HDX: variants seen among roughly 807,000 people sequenced by gnomAD.
HDX encodes the protein highly divergent homeobox.
HDX carries 19 observed loss-of-function variants against 45.2 expected under a neutral mutation model. The ratio of observed to expected loss-of-function variants is 0.42; its 90% CI spans 0.29 to 0.62. HDX has a LOEUF of 0.62. Ranked by LOEUF, HDX falls within the 20% of genes least tolerant of loss-of-function variation. HDX has a pLI of 0.20. For missense variants in HDX, 532 were observed against 493.9 expected, an observed-to-expected ratio of 1.08 and a Z score of -0.73; for synonymous variants, 188 against 172.8, an observed-to-expected ratio of 1.09 and a Z score of -0.69.
chrX:84,406,121 T>C (rs1190807542), intron 5 of HDX, among the ~76,000 whole-genome samples: 1 of 110,589 alleles, frequency 9.0e-6, no homozygotes, highest in Non-Finnish European at 1.9e-5. Flanking sequence ...CTTGCCTAAG[T>C]GACTAACTTC....
At chrX:84,341,432 A>AAGAG (rs976531084) in intron 7 of HDX, among the ~76,000 whole-genome samples, 9 of 110,424 alleles carry the variant, frequency 8.2e-5, no homozygotes, top group African/African-American at 2.6e-4. Flanking sequence ...AATGTTAAGA[A>AAGAG]AGAGAGAGAG....
intron 5 of HDX, among the ~76,000 whole-genome samples, chrX:84,373,656 A>G (rs771777871): frequency 9.0e-6 from 1 of 111,085 alleles, no homozygotes; most frequent in South Asian, 3.8e-4. Context: ...AAAGACAAAA[A>G]CCACATGATT....
chrX:84,459,756 G>T (rs1262897362), intron 4 of HDX, among the ~76,000 whole-genome samples: 2 of 111,272 alleles, frequency 1.8e-5, no homozygotes, highest in African/African-American at 3.3e-5. Context: ...TTAAAAGTTG[G>T]TTTTTAAAAA....
At chrX:84,410,067 A>G (rs1352691407) in intron 5 of HDX, among the ~76,000 whole-genome samples, 1 of 102,699 alleles carries the variant, frequency 9.7e-6, no homozygotes, top group Non-Finnish European at 2.0e-5. Flanking sequence ...AAGATTAAAA[A>G]AAAAAAAAAA....
chrX:84,490,079 A>G (rs1202547646), intron 1 of HDX, among the ~76,000 whole-genome samples: 1 of 111,980 alleles, frequency 8.9e-6, no homozygotes, highest in African/African-American at 3.2e-5. Context: ...ATAGTCATGT[A>G]GGTTAACTTT....
At chrX:84,360,161 C>A (rs1180824266) in intron 6 of HDX, among the ~76,000 whole-genome samples, 1 of 111,454 alleles carries the variant, frequency 9.0e-6, no homozygotes, top group Non-Finnish European at 1.9e-5. Flanking sequence ...ATTTATGCAG[C>A]CAACAAACAT....
intron 5 of HDX, among the ~76,000 whole-genome samples, chrX:84,377,727 G>C (rs2038090626): frequency 9.1e-6 from 1 of 110,155 alleles, no homozygotes; most frequent in African/African-American, 3.3e-5. Flanking sequence ...AAAAAAATAA[G>C]AAACAATGAA....
chrX:84,428,040 G>A (rs1357978516), intron 5 of HDX, among the ~76,000 whole-genome samples: 3 of 110,406 alleles, frequency 2.7e-5, no homozygotes, highest in Non-Finnish European at 5.7e-5. Context: ...ATGATTAATG[G>A]TATTAAGCAC....
chrX:84,345,745 A>G (rs1341166709), intron 6 of HDX, among the ~76,000 whole-genome samples: 1 of 111,759 alleles, frequency 8.9e-6, no homozygotes, highest in African/African-American at 3.2e-5. Context: ...TTACATTCTT[A>G]TCAGCAATGC....
At chrX:84,458,747 A>C (rs1316569904) in intron 4 of HDX, among the ~76,000 whole-genome samples, 10 of 111,713 alleles carry the variant, frequency 9.0e-5, no homozygotes, top group Non-Finnish European at 1.5e-4. Flanking sequence ...TACTGGCAAA[A>C]TCGGAAACCT....
chrX:84,386,403 T>C (rs954907970), intron 5 of HDX, among the ~76,000 whole-genome samples: 4 of 111,332 alleles, frequency 3.6e-5, no homozygotes, highest in Non-Finnish European at 7.5e-5. Context: ...TCCTTCATTT[T>C]TTGCAATAGT....
In HDX at chrX:84,320,599, T is replaced by C. The variant is rs2036577756; in HGVS notation, c.*1290A>G. ...ATGGCTGAAACAGCCATCCAGCTACTTCATTAATCTTTTAGGTATAGATAG... is the reference window on the plus strand; with the variant it reads ...ATGGCTGAAACAGCCATCCAGCTACCTCATTAATCTTTTAGGTATAGATAG... On this transcript the variant is annotated 3_prime_UTR_variant, in exon 11 of 11. Transcript: ENST00000373177. The C allele has an allele frequency of 9.0e-6, 1 of 111,203 alleles. No homozygotes were observed. Among genetic ancestry groups the C allele is most frequent in the Non-Finnish European group, 1.9e-5 (1 of 52,500 alleles). The allele number at this position is 111,203 out of a possible 1,213,427, so 9.2% of individuals were successfully genotyped here. A position where few individuals can be genotyped will look rare whatever the true frequency, so the allele number is the denominator to read the frequency against.
intron 2 of HDX, among the ~76,000 whole-genome samples, chrX:84,476,766 GCAGTCATC>G (rs1355125457): frequency 9.0e-6 from 1 of 111,552 alleles, no homozygotes; most frequent in Non-Finnish European, 1.9e-5. Context: ...AGGAAAGTAA[GCAGTCATC>G]CAGTCATCCA....
chrX:84,355,487 T>G (rs764062750), intron 6 of HDX, among the ~76,000 whole-genome samples: 1 of 111,721 alleles, frequency 9.0e-6, no homozygotes, highest in African/African-American at 3.3e-5. Context: ...CTTGAGAGAG[T>G]TGCATTTTTC....
chrX:84,368,295 C>T (rs1022592372), intron 5 of HDX, among the ~76,000 whole-genome samples: 3 of 111,773 alleles, frequency 2.7e-5, no homozygotes, highest in African/African-American at 9.7e-5. Flanking sequence ...CGGAACTGTA[C>T]TAAACATGTG....
At chrX:84,328,171 C>A (rs1183293121) in intron 9 of HDX, among the ~76,000 whole-genome samples, 1 of 104,059 alleles carries the variant, frequency 9.6e-6, no homozygotes, top group Non-Finnish European at 2.0e-5. Context: ...CCAGCCTGGG[C>A]AACATAGCAA....
intron 4 of HDX, among the ~76,000 whole-genome samples, chrX:84,441,762 A>G (rs975570236): frequency 1.8e-5 from 2 of 111,233 alleles, no homozygotes; most frequent in Admixed American, 9.5e-5. Flanking sequence ...ATACTTTCTG[A>G]TAATTTCCCA....
chrX:84,348,430 G>C (rs932577442), intron 6 of HDX, among the ~76,000 whole-genome samples: 2 of 111,312 alleles, frequency 1.8e-5, no homozygotes, highest in East Asian at 5.7e-4. Flanking sequence ...CCAATTCCTC[G>C]TCTGACGATT....
At chrX:84,385,811 T>G in intron 5 of HDX, among the ~76,000 whole-genome samples, 1 of 107,695 alleles carries the variant, frequency 9.3e-6, no homozygotes, top group East Asian at 3.0e-4. Context: ...AGAGATAATT[T>G]GACTTGTTCT....
Sources: gnomAD v4.1 joint callset for allele counts (sites outside exome capture counted in the v4.1 genomes callset) on GRCh38, gnomAD v4.1.1 for gene constraint, MANE v1.5 for transcripts, NCBI Gene and HGNC (gene_info 2026-07-23, HGNC 2026-07-21) for gene names.